The following KHDRBS3 variants were observed in gnomAD, a reference collection of about 807,000 sequenced individuals.
KHDRBS3 encodes KH RNA binding domain containing, signal transduction associated 3.
A neutral mutation model predicts 45.6 loss-of-function variants in KHDRBS3; 23 were observed. The ratio of observed to expected loss-of-function variants is 0.50; its 90% confidence interval spans 0.36 to 0.72. The LOEUF (loss-of-function observed/expected upper bound fraction) is 0.72, where lower values mean the gene tolerates loss of function less well. Among genes scored for constraint, KHDRBS3 ranks in the 30% least tolerant of loss-of-function variants. The pLI, the probability that KHDRBS3 is intolerant of heterozygous loss-of-function variation, is 0.00. For missense variants in KHDRBS3, 352 were observed against 424.8 expected, an observed-to-expected ratio of 0.83 and a Z score of 1.51; for synonymous variants, 162 against 156.5, an observed-to-expected ratio of 1.04 and a Z score of -0.26.
Position 135,548,673 on chromosome 8 carries a change from G to GT in KHDRBS3, c.325-76dup, listed in dbSNP as rs1172708802. ...TGGATTGTTTTTATTTTGGGGGTTA[G>GT]TTTTTATTTATTTATTTATTTATCT... On this transcript the variant is annotated intron_variant, in intron 3 of 8. Coordinates refer to ENST00000355849, the MANE Select transcript of KHDRBS3 (RefSeq NM_006558.3). The GT allele has an allele frequency of 1.2e-5, 14 of 1,164,336 alleles. No individual in the cohort carries two copies. The East Asian group carries it at 3.4e-4, about 28-fold the overall frequency. The allele number at this position is 1,164,336 out of a possible 1,614,324, so 72.1% of individuals were successfully genotyped here.
At chr8:135,640,575 C>G (rs1294347054) in intron 7 of KHDRBS3, among the ~76,000 whole-genome samples, 1 of 152,132 alleles carries the variant, frequency 6.6e-6, no homozygotes, top group African/African-American at 2.4e-5. Flanking sequence ...TTTCTTGACT[C>G]AAGTTGATGG....
At chr8:135,656,102 C>T (rs180814894) in intron 4 of KHDRBS3, 10 of 152,280 alleles carry the variant, frequency 6.6e-5, no homozygotes, top group African/African-American at 1.9e-4. Context: ...TTTCCATAAA[C>T]GTCCTTATTT....
intron 4 of KHDRBS3, among the ~76,000 whole-genome samples, chr8:135,552,311 G>A (rs368664032): frequency 2.6e-5 from 4 of 151,716 alleles, no homozygotes; most frequent in East Asian, 1.9e-4. Flanking sequence ...TTTTTCATCC[G>A]TTTTTCTCCA....
rs77299928 is a variant in KHDRBS3, at chr8:135,544,103, A to T, written c.324+1333A>T. On this transcript the variant is annotated intron_variant, in intron 3 of 8. Transcript: ENST00000355849. ...AGAAATTATGTGTATTTTGCAGGAA[A>T]GTACTCTACCCTTGCTGATATCTTA... Among the ~76,000 whole-genome samples the T allele has an allele frequency of 4.8e-3, 734 of 152,320 alleles. 4 individuals carry two copies. The highest frequency in any genetic ancestry group is 0.01 in the Middle Eastern group (3 of 294).
At chr8:135,525,584 A>G (rs550198350) in intron 2 of KHDRBS3, among the ~76,000 whole-genome samples, 2 of 152,292 alleles carry the variant, frequency 1.3e-5, no homozygotes, top group African/African-American at 2.4e-5. Context: ...GTTGATATTT[A>G]TAGGTGGGCA....
intron 5 of KHDRBS3, among the ~76,000 whole-genome samples, chr8:135,574,715 A>G (rs1450410506): frequency 6.6e-6 from 1 of 152,148 alleles, no homozygotes; most frequent in African/African-American, 2.4e-5. Context: ...GCTACAAACT[A>G]CTCTTTAATC....
intron 2 of KHDRBS3, chr8:135,539,637 C>G (rs1036076325): frequency 3.9e-5 from 6 of 152,194 alleles, no homozygotes; most frequent in Non-Finnish European, 7.3e-5. Context: ...TTACTTAATT[C>G]ATGCGACCTG....
chr8:135,462,496 G>A (rs1821482835), intron 1 of KHDRBS3, among the ~76,000 whole-genome samples: 1 of 152,098 alleles, frequency 6.6e-6, no homozygotes, highest in South Asian at 2.1e-4. Context: ...TGAATTTTCG[G>A]TTTGTAGATG....
At chr8:135,632,569 C>T (rs1024934383) in intron 7 of KHDRBS3, among the ~76,000 whole-genome samples, 2 of 152,094 alleles carry the variant, frequency 1.3e-5, no homozygotes, top group Non-Finnish European at 2.9e-5. Context: ...GTCTCTCAAA[C>T]CTAACGTGTC....
chr8:135,533,866 G>T (rs1825602064), intron 2 of KHDRBS3, among the ~76,000 whole-genome samples: 1 of 152,140 alleles, frequency 6.6e-6, no homozygotes, highest in Non-Finnish European at 1.5e-5. Flanking sequence ...TTAGCCTATA[G>T]TTGGGCAAAA....
chr8:135,630,482 A>AATGTATGTATGTATGT (rs11269726), intron 7 of KHDRBS3, among the ~76,000 whole-genome samples: 3,414 of 150,942 alleles, frequency 0.023, 60 homozygotes, highest in African/African-American at 0.04. Flanking sequence ...TATAAAGTTT[A>AATGTATGTATGTATGT]ATGTATGTAT....
intron 1 of KHDRBS3, among the ~76,000 whole-genome samples, chr8:135,519,032 T>A (rs1033803691): frequency 6.6e-6 from 1 of 152,196 alleles, no homozygotes; most frequent in Non-Finnish European, 1.5e-5. Flanking sequence ...TTTTTCAGGA[T>A]CAAAACATAG....
chr8:135,499,806 T>C (rs1823642490), intron 1 of KHDRBS3, among the ~76,000 whole-genome samples: 1 of 152,190 alleles, frequency 6.6e-6, no homozygotes, highest in Non-Finnish European at 1.5e-5. Context: ...ACTTTTTATA[T>C]CATGTGACAA....
At chr8:135,643,915 C>T (rs532669977) in intron 7 of KHDRBS3, among the ~76,000 whole-genome samples, 2 of 152,318 alleles carry the variant, frequency 1.3e-5, no homozygotes, top group South Asian at 4.1e-4. Context: ...CATCTGTGCT[C>T]CTCAAACTGT....
intron 1 of KHDRBS3, among the ~76,000 whole-genome samples, chr8:135,500,050 T>C (rs930370894): frequency 6.6e-6 from 1 of 152,140 alleles, no homozygotes; most frequent in African/African-American, 2.4e-5. Flanking sequence ...AAATGGAAAA[T>C]CATGTTTTCC....
At chr8:135,543,993 G>A (rs1445899723) in intron 3 of KHDRBS3, among the ~76,000 whole-genome samples, 1 of 152,072 alleles carries the variant, frequency 6.6e-6, no homozygotes, top group African/African-American at 2.4e-5. Context: ...ACTAAACATT[G>A]CTCTCTTAAA....
chr8:135,555,372 GA>G lies in KHDRBS3; in HGVS notation c.472-2075del, dbSNP rs985716348. ...CTCTCTTAAAATATTGAAACATTGA[GA>G]TTTTTTTTTTTTTTTGGTAGTTCAC... On this transcript the variant is annotated intron_variant, in intron 4 of 8. Coordinates refer to ENST00000355849, the MANE Select transcript of KHDRBS3 (RefSeq NM_006558.3). Among the ~76,000 whole-genome samples, 13 of 149,692 alleles carry G rather than the reference GA, an allele frequency of 8.7e-5. No individual in the cohort carries two copies. In the East Asian group the frequency reaches 9.7e-4, roughly 11 times the overall value.
intron 7 of KHDRBS3, among the ~76,000 whole-genome samples, chr8:135,614,465 T>C (rs1392375740): frequency 2.0e-5 from 3 of 151,916 alleles, no homozygotes; most frequent in Non-Finnish European, 4.4e-5. Context: ...CATAATATTT[T>C]TAGTCTATGT....
intron 7 of KHDRBS3, among the ~76,000 whole-genome samples, chr8:135,638,311 T>C (rs1301515102): frequency 6.6e-6 from 1 of 152,200 alleles, no homozygotes; most frequent in East Asian, 1.9e-4. Context: ...TCCCACCCTC[T>C]GGAGGACCCA....
Sources: gnomAD v4.1 joint callset for allele counts (sites outside exome capture counted in the v4.1 genomes callset) on GRCh38, gnomAD v4.1.1 for gene constraint, MANE v1.5 for transcripts, NCBI Gene and HGNC (gene_info 2026-07-23, HGNC 2026-07-21) for gene names.